The following NXPE1 variants were observed in gnomAD, a reference collection of about 807,000 sequenced individuals.
The protein encoded by NXPE1 is NXPE family member 1.
NXPE1 carries 31 observed loss-of-function variants against 33.3 expected under a neutral mutation model. The observed-to-expected ratio is 0.93, with a 90% CI of 0.70 to 1.26. The LOEUF (loss-of-function observed/expected upper bound fraction) is 1.26. NXPE1 is among the 50% of genes most tolerant of loss of function. The pLI, the probability that NXPE1 is intolerant of heterozygous loss-of-function variation, is 0.00. For missense variants in NXPE1, 661 were observed against 655.6 expected (o/e 1.01, Z -0.09); for synonymous variants, 229 against 231.4 (o/e 0.99, Z 0.09).
intron 5 of NXPE1, among the ~76,000 whole-genome samples, chr11:114,534,198 A>T (rs1947702851): frequency 6.6e-6 from 1 of 152,166 alleles, no homozygotes; most frequent in Non-Finnish European, 1.5e-5. Flanking sequence ...CCTCCAGTAA[A>T]CTCCAACAGA....
intron 1 of NXPE1, among the ~76,000 whole-genome samples, chr11:114,556,949 G>A (rs1720937606): frequency 2.0e-5 from 3 of 149,440 alleles, no homozygotes. Context: ...TTGGAGTGCA[G>A]TGGCACTATC....
Position 114,552,841 on chromosome 11 carries a change from T to C in NXPE1, c.-182+11A>G. 1 of 967,614 alleles carries C rather than the reference T, an allele frequency of 1.0e-6. No homozygotes were observed. Among genetic ancestry groups the C allele is most frequent in the Middle Eastern group, 5.3e-4 (1 of 1,880 alleles). 59.9% of individuals were successfully genotyped at this position (967,614 alleles called of 1,614,324 possible). A position where few individuals can be genotyped will look rare whatever the true frequency, so the allele number is the denominator to read the frequency against. On this transcript the variant is annotated intron_variant, in intron 2 of 8. Coordinates refer to ENST00000534921, the Ensembl canonical transcript of NXPE1. Reference sequence around the variant, plus strand: ...TCTTTAAACTTATTCTGTAAAATACTGGGTACTTACCCAATAGGTGTCAGG... The same window carrying C: ...TCTTTAAACTTATTCTGTAAAATACCGGGTACTTACCCAATAGGTGTCAGG...
At chr11:114,545,777 C>T (rs1948258753) in intron 5 of NXPE1, among the ~76,000 whole-genome samples, 1 of 151,902 alleles carries the variant, frequency 6.6e-6, no homozygotes, top group African/African-American at 2.4e-5. Flanking sequence ...TAACCTCCGC[C>T]TTCCAGGTTC....
chr11:114,545,107 T>C (rs1307576297), intron 5 of NXPE1, among the ~76,000 whole-genome samples: 1 of 152,192 alleles, frequency 6.6e-6, no homozygotes, highest in African/African-American at 2.4e-5. Flanking sequence ...TCTCACTCAT[T>C]GCTGGTGGGA....
intron 5 of NXPE1, among the ~76,000 whole-genome samples, chr11:114,546,521 C>T (rs756436969): frequency 1.4e-4 from 21 of 150,326 alleles, no homozygotes; most frequent in Non-Finnish European, 2.4e-4. Flanking sequence ...AGACTGGTCC[C>T]GAATTCCTGG....
In NXPE1 at chr11:114,539,705, TA is replaced by T. The variant is rs563053899; in HGVS notation, c.100-8798del. 3.0e-3 allele frequency among the ~76,000 whole-genome samples: 454 copies of T among 152,280 alleles called. 3 individuals carry two copies. The highest frequency in any genetic ancestry group is 0.011 in the African/African-American group (440 of 41,566). ...TAATCATTTATAAAGAGGAACTATT[TA>T]AAAAATACTAGCCCTAGTGTAAATT... is the stretch of plus-strand genomic sequence containing the variant. On this transcript the variant is annotated intron_variant, in intron 5 of 8. Coordinates refer to ENST00000534921, the Ensembl canonical transcript of NXPE1.
intron 5 of NXPE1, among the ~76,000 whole-genome samples, chr11:114,548,782 AAGGT>A (rs886238182): frequency 2.6e-5 from 4 of 151,936 alleles, no homozygotes; most frequent in African/African-American, 9.7e-5. Context: ...AAGAAAGAAA[AAGGT>A]AGGAATTGAT....
At chr11:114,547,273 C>A (rs1371994759) in intron 5 of NXPE1, among the ~76,000 whole-genome samples, 3 of 152,122 alleles carry the variant, frequency 2.0e-5, no homozygotes, top group Non-Finnish European at 4.4e-5. Flanking sequence ...AGTGGAAGAC[C>A]ACTTAGCTCT....
chr11:114,557,020 G>T (rs1470279340), intron 1 of NXPE1, among the ~76,000 whole-genome samples: 2 of 151,772 alleles, frequency 1.3e-5, no homozygotes, highest in Admixed American at 1.3e-4. Flanking sequence ...AGCCTCCTGA[G>T]TAGCTGGGAT....
At chr11:114,528,067 T>C (rs1478523778) in intron 6 of NXPE1, among the ~76,000 whole-genome samples, 166 bp from the exon 7 acceptor site, 1 of 152,134 alleles carries the variant, frequency 6.6e-6, no homozygotes, top group African/African-American at 2.4e-5. Flanking sequence ...AGTGAGGATT[T>C]TGGAAGACTT....
exon 6 of NXPE1, chr11:114,530,388 C>A (rs1389564182): frequency 1.2e-6 from 2 of 1,614,172 alleles, no homozygotes; most frequent in South Asian, 1.1e-5. Flanking sequence ...AACAAATTTG[C>A]CTTTGAAAAT....
At chr11:114,553,112 A>G (rs1948555241) in intron 1 of NXPE1, among the ~76,000 whole-genome samples, 1 of 152,062 alleles carries the variant, frequency 6.6e-6, no homozygotes, top group African/African-American at 2.4e-5. Context: ...ATTCCTATTC[A>G]TTGTTTGGGT....
chr11:114,533,976 C>A (rs1403595668), intron 5 of NXPE1, among the ~76,000 whole-genome samples: 1 of 152,240 alleles, frequency 6.6e-6, no homozygotes, highest in Non-Finnish European at 1.5e-5. Flanking sequence ...TGAGAATGGG[C>A]AGACTGCCTC....
At chr11:114,526,000 G>A (rs1337380152) in intron 7 of NXPE1, among the ~76,000 whole-genome samples, 1 of 152,174 alleles carries the variant, frequency 6.6e-6, no homozygotes, top group African/African-American at 2.4e-5. Context: ...AGACTATCCT[G>A]GATTACATGG....
chr11:114,538,410 A>G (rs1003281717), intron 5 of NXPE1, among the ~76,000 whole-genome samples: 4 of 152,230 alleles, frequency 2.6e-5, no homozygotes, highest in East Asian at 1.9e-4. Flanking sequence ...AATGGCAACA[A>G]AAGCCAAAAT....
intron 5 of NXPE1, among the ~76,000 whole-genome samples, chr11:114,548,085 A>T (rs937602773): frequency 6.6e-5 from 10 of 152,318 alleles, no homozygotes; most frequent in African/African-American, 2.4e-4. Context: ...TAACCAAAAA[A>T]GTATTAAGAG....
intron 5 of NXPE1, among the ~76,000 whole-genome samples, chr11:114,546,272 A>G (rs189383043): frequency 5.9e-5 from 9 of 152,218 alleles, no homozygotes; most frequent in African/African-American, 1.9e-4. Flanking sequence ...TAAATAGATG[A>G]CAGATGGTGG....
chr11:114,538,231 G>T (rs1947924435), intron 5 of NXPE1, among the ~76,000 whole-genome samples: 1 of 152,214 alleles, frequency 6.6e-6, no homozygotes, highest in South Asian at 2.1e-4. Flanking sequence ...GCCATATGTA[G>T]AAAGCTGAAA....
chr11:114,519,542 T>G (rs1220841940), downstream of NXPE1, among the ~76,000 whole-genome samples: 5 of 152,318 alleles, frequency 3.3e-5, no homozygotes, highest in African/African-American at 1.2e-4. Context: ...GACAAAACAC[T>G]GTGGAAACAT....
Sources: gnomAD v4.1 joint callset for allele counts (sites outside exome capture counted in the v4.1 genomes callset) on GRCh38, gnomAD v4.1.1 for gene constraint, MANE v1.5 for transcripts, NCBI Gene and HGNC (gene_info 2026-07-23, HGNC 2026-07-21) for gene names.